Variants in SCRIB observed in about 807,000 individuals in gnomAD.
SCRIB encodes scribble planar cell polarity protein.
A neutral mutation model predicts 170.0 loss-of-function variants in SCRIB; 72 were observed. The observed-to-expected ratio is 0.42, with a 90% CI of 0.35 to 0.52. The LOEUF (loss-of-function observed/expected upper bound fraction) is 0.52, where lower values mean the gene tolerates loss of function less well. Among genes scored for constraint, SCRIB ranks in the 20% least tolerant of loss-of-function variants. SCRIB has a pLI of 0.02. For missense variants in SCRIB, 2,475 were observed against 2,338.5 expected (o/e 1.06, Z -1.20); for synonymous variants, 1,298 against 1,044.3 (o/e 1.24, Z -4.68).
chr8:143,813,188 C>T (rs961787114), intron 6 of SCRIB, 84 bp from the exon 7 acceptor site: 4 of 1,584,098 alleles, frequency 2.5e-6, no homozygotes, highest in South Asian at 2.2e-5. Context: ...GCCCCCACAC[C>T]CAGCTCCCAC....
intron 24 of SCRIB, among the ~76,000 whole-genome samples, chr8:143,802,487 G>GC (rs1396767870): frequency 1.3e-5 from 2 of 152,264 alleles, no homozygotes; most frequent in Non-Finnish European, 2.9e-5. Context: ...TGTGTGACCA[G>GC]CAGGGACACC....
In SCRIB at chr8:143,806,423, C is replaced by G. The variant is rs1554636578; in HGVS notation, c.2330G>C (p.Gly777Ala). Residue 777 changes from glycine (G) to alanine (A), a missense_variant, in exon 18 of 37, where the codon GGT becomes GCT. This residue lies in a region of SCRIB where 1,966 missense variants were observed against 1,742.9 expected (regional missense o/e 1.13). Transcript: ENST00000356994. ...CCGACTCACCTCCAGGAGCTTGTCA[C>G]CCACACGGACTCCAGCCCGGGCCGC... is the stretch of plus-strand genomic sequence containing the variant. ...GPAARAGVRVGDKLLEVNGVA... is the reference protein window; with the variant it reads ...GPAARAGVRVADKLLEVNGVA... 1 of 1,605,510 alleles carries G rather than the reference C, an allele frequency of 6.2e-7. No homozygotes were observed. The highest frequency in any genetic ancestry group is 1.7e-5 in the Admixed American group (1 of 59,344).
chr8:143,803,603 T>C, intron 23 of SCRIB, 32 bp from the exon 24 acceptor site: 2 of 956,868 alleles, frequency 2.1e-6, no homozygotes, highest in Non-Finnish European at 3.0e-6. Flanking sequence ...GAGAGACCTG[T>C]TGGGGGGTGG....
chr8:143,809,845 C>T, intron 13 of SCRIB, 127 bp from the exon 14 acceptor site: 3 of 1,077,400 alleles, frequency 2.8e-6, no homozygotes, highest in Admixed American at 2.4e-5. Context: ...CGTTAACGGG[C>T]TCACGCCCTC....
rs960854006 is a variant in SCRIB, at chr8:143,793,800, C to T, written c.3909+100G>A. The stretch of plus-strand genomic sequence containing the variant: ...GGAGTCAACAGCACCCCACGATGGC[C>T]CCTGACCCCCCATCCCTGGAGGAGG... On this transcript the variant is annotated intron_variant, in intron 28 of 36. Coordinates refer to ENST00000356994, the MANE Select transcript of SCRIB (RefSeq NM_182706.5). 5 of 1,231,596 alleles carry T rather than the reference C, an allele frequency of 4.1e-6. No homozygotes were observed. The Admixed American group carries it at 5.3e-5, about 13-fold the overall frequency. The allele number at this position is 1,231,596 out of a possible 1,614,324, so 76.3% of individuals were successfully genotyped here.
In SCRIB at chr8:143,810,771, G is replaced by T; in HGVS notation, c.1319C>A (p.Ala440Asp). 1.9e-6 allele frequency: 3 copies of T among 1,605,702 alleles called. No homozygotes were observed. Among genetic ancestry groups the T allele is most frequent in the South Asian group, 2.2e-5 (2 of 90,914 alleles). The change falls in exon 12 of 37, where the codon GCC becomes GAC. Residue 440 changes from alanine to aspartate, a missense_variant. This residue lies in a region of SCRIB where 1,966 missense variants were observed against 1,742.9 expected (regional missense o/e 1.13). Coordinates refer to ENST00000356994, the MANE Select transcript of SCRIB (RefSeq NM_182706.5). ...QGSLSETWSD[A>D]PPSRVSVIQF... The stretch of plus-strand genomic sequence containing the variant: ...GATGACGCTGACGCGGCTCGGCGGG[G>T]CATCGCTCCAGGTCTCCGAGAGGCT...
rs782736261 is a variant in SCRIB at position 143,793,050 on chromosome 8, C to T, written c.3943G>A (p.Ala1315Thr). ...GCCCTGTAGGCCTGCTTCACATTGGCGGGCAGCTCATCCGGAGAAGGCGGG... is the reference window on the plus strand; with the variant it reads ...GCCCTGTAGGCCTGCTTCACATTGGTGGGCAGCTCATCCGGAGAAGGCGGG... The part of the protein sequence containing the change: ...PSPPSPDELP[A>T]NVKQAYRAFA... The change falls in exon 29 of 37, where the codon GCC becomes ACC. Residue 1315 changes from alanine to threonine, a missense_variant. This residue lies in a region of SCRIB where 1,966 missense variants were observed against 1,742.9 expected (regional missense o/e 1.13). Transcript: ENST00000356994. The T allele has an allele frequency of 3.3e-5, 49 of 1,481,388 alleles. No homozygotes were observed. The Admixed American group carries it at 4.6e-4, about 14-fold the overall frequency. 91.8% of individuals were successfully genotyped at this position (1,481,388 alleles called of 1,614,324 possible).
At position 143,813,086 on chromosome 8, in the gene SCRIB, G is replaced by A. The variant is rs1191852059; in HGVS notation, c.586C>T (p.Leu196=). Residue 196 remains leucine, a synonymous_variant, in exon 7 of 37, where the codon CTG becomes TTG. Coordinates refer to ENST00000356994, the MANE Select transcript of SCRIB (RefSeq NM_182706.5). ...LEVLPDTLGA[L]PNLRELWLDR... ...AGCCACAGCTCCCGAAGATTGGGCA[G>A]AGCCCCCAGAGTGTCTGGCTGCAAG... 2 of 1,579,890 alleles carry A rather than the reference G, an allele frequency of 1.3e-6. No individual in the cohort carries two copies. Among genetic ancestry groups the A allele is most frequent in the East Asian group, 2.3e-5 (1 of 43,846 alleles).
chr8:143,793,756 T>G, intron 28 of SCRIB, 144 bp downstream of exon 28: 5 of 739,384 alleles, frequency 6.8e-6, no homozygotes, highest in East Asian at 2.7e-5. Context: ...GGAGGCCCCA[T>G]GGTAGCAGAG....
chr8:143,809,831 G>C (rs1044194298), intron 13 of SCRIB, 113 bp from the exon 14 acceptor site: 4 of 1,266,792 alleles, frequency 3.2e-6, no homozygotes, highest in African/African-American at 1.5e-5. Context: ...CCCCGACCAG[G>C]CACCGTTAAC....
rs782054427 is a variant in SCRIB at position 143,795,103 on chromosome 8, G to T, written c.3781C>A (p.Leu1261Met). ...CGGTAGTCCAGCTTCAGGGGCTGCA[G>T]ACCCCGACCCTGGGGGCAGAGTGAA... ...PEATEAAGRG[L>M]QPLKLDYRAL... The change falls in exon 27 of 37, where the codon CTG becomes ATG. Residue 1261 changes from leucine to methionine, a missense_variant. Leu to Met is a conservative substitution (Grantham distance 15). Around this residue, in one of 3 missense-constraint regions of SCRIB, gnomAD observed 1,966 missense variants for 1,742.9 expected, o/e 1.13. Coordinates refer to ENST00000356994, the MANE Select transcript of SCRIB (RefSeq NM_182706.5). The T allele has an allele frequency of 6.2e-7, 1 of 1,611,100 alleles. No individual in the cohort carries two copies. Among genetic ancestry groups the T allele is most frequent in the African/African-American group, 1.3e-5 (1 of 74,896 alleles).
Position 143,790,996 on chromosome 8 carries a change from C to T in SCRIB, c.*167G>A. Reference sequence around the variant, plus strand: ...TTGGTTGTACAAACATCACTAGTTACAGTCTCGCCGAGGTCTCGGCTGGGG... The same window carrying T: ...TTGGTTGTACAAACATCACTAGTTATAGTCTCGCCGAGGTCTCGGCTGGGG... On this transcript the variant is annotated 3_prime_UTR_variant, in exon 37 of 37. Coordinates refer to ENST00000356994, the MANE Select transcript of SCRIB (RefSeq NM_182706.5). 1 of 585,672 alleles carries T rather than the reference C, an allele frequency of 1.7e-6. No individual in the cohort carries two copies. Among genetic ancestry groups the T allele is most frequent in the Non-Finnish European group, 2.6e-6 (1 of 384,870 alleles). 36.3% of individuals were successfully genotyped at this position (585,672 alleles called of 1,614,324 possible).
At chr8:143,791,366 A>T in intron 36 of SCRIB, 23 bp downstream of exon 36, 1 of 1,604,358 alleles carries the variant, frequency 6.2e-7, no homozygotes, top group Admixed American at 1.7e-5. Flanking sequence ...CTGGGAGCTC[A>T]CCCCAGCCCG....
chr8:143,807,993 A>C (rs947260812), intron 15 of SCRIB, among the ~76,000 whole-genome samples: 3 of 152,154 alleles, frequency 2.0e-5, no homozygotes, highest in African/African-American at 7.2e-5. Flanking sequence ...CATGGAGAGG[A>C]GACTTGAGGG....
intron 15 of SCRIB, among the ~76,000 whole-genome samples, chr8:143,807,961 G>A (rs1815506204): frequency 6.6e-6 from 1 of 152,236 alleles, no homozygotes; most frequent in African/African-American, 2.4e-5. Context: ...TGCCCAGAGA[G>A]CAGGTGAGAC....
chr8:143,791,163 C>T lies in SCRIB; in HGVS notation c.4968G>A (p.Ter1656=), dbSNP rs1412844381. The T allele has an allele frequency of 5.6e-6, 8 of 1,420,800 alleles. No individual in the cohort carries two copies. The African/African-American group carries it at 1.2e-4, about 21-fold the overall frequency. 88.0% of individuals were successfully genotyped at this position (1,420,800 alleles called of 1,614,324 possible). ...GRRGLGPVPS[*] Reference sequence around the variant, plus strand: ...AAGTCTGGGGGAGGTGCCTGCTCCTCTAGGAGGGCACAGGGCCCAGGCCAC... The same window carrying T: ...AAGTCTGGGGGAGGTGCCTGCTCCTTTAGGAGGGCACAGGGCCCAGGCCAC... The change falls in exon 37 of 37, where the codon TAG becomes TAA. Residue 1656 remains the stop codon, a stop_retained_variant. Coordinates refer to ENST00000356994, the MANE Select transcript of SCRIB (RefSeq NM_182706.5).
intron 14 of SCRIB, 81 bp downstream of exon 14, chr8:143,809,470 C>G (rs1033079126): frequency 1.3e-6 from 2 of 1,491,548 alleles, no homozygotes; most frequent in Non-Finnish European, 1.8e-6. Context: ...GCACCAAAAC[C>G]GATCCCAGCT....
rs779914001 is a variant in SCRIB at position 143,810,494 on chromosome 8, G to A, written c.1515C>T (p.Pro505=). 6.2e-6 allele frequency: 10 copies of A among 1,609,792 alleles called. 1 individual carries two copies. The highest frequency in any genetic ancestry group is 1.7e-4 in the Middle Eastern group (1 of 5,922). The change falls in exon 13 of 37, where the codon CCC becomes CCT. Residue 505 remains proline, a synonymous_variant. Transcript: ENST00000356994. ...CCATGCCCACCTCCTCTGCAGGCAA[G>A]GGCGACCCAGAGTCTGGCTGGCAAG... ...ACPCQPDSGS[P]LPAEEEKRLS...
At chr8:143,807,703 G>A (rs1414217739) in intron 15 of SCRIB, 89 bp from the exon 16 acceptor site, 2 of 1,056,074 alleles carry the variant, frequency 1.9e-6, no homozygotes, top group African/African-American at 1.6e-5. Context: ...CAAGCAGAAA[G>A]GACAGAGGAG....
Sources: allele counts gnomAD v4.1 joint callset (sites outside exome capture counted in the v4.1 genomes callset), GRCh38; gene constraint gnomAD v4.1.1; regional missense constraint gnomAD v4.1.1; transcripts MANE v1.5; gene names NCBI Gene and HGNC (gene_info 2026-07-23, HGNC 2026-07-21).